L3MBTL4: variants seen among roughly 807,000 people sequenced by gnomAD.
L3MBTL4 encodes the protein L3MBTL histone methyl-lysine binding protein 4, also known as lethal(3)malignant brain tumor-like protein 4.
A neutral mutation model predicts 84.5 loss-of-function variants in L3MBTL4; 70 were observed. The ratio of observed to expected loss-of-function variants is 0.83; its 90% confidence interval spans 0.68 to 1.01. The LOEUF (loss-of-function observed/expected upper bound fraction) is 1.01, where lower values mean the gene tolerates loss of function less well. Ranked by LOEUF, L3MBTL4 falls within the 50% of genes least tolerant of loss-of-function variation. L3MBTL4 has a pLI of 0.00. For missense variants in L3MBTL4, 715 were observed against 754.8 expected (o/e 0.95, Z 0.62); for synonymous variants, 274 against 259.8 (o/e 1.05, Z -0.52).
intron 16 of L3MBTL4, chr18:6,032,096 G>T: frequency 4.8e-6 from 1 of 208,338 alleles, no homozygotes. Context: ...TCCTGCCTCA[G>T]CTTCCCCAGT....
chr18:6,104,152 C>G (rs985706271), intron 14 of L3MBTL4, among the ~76,000 whole-genome samples: 1 of 151,666 alleles, frequency 6.6e-6, no homozygotes, highest in African/African-American at 2.4e-5. Flanking sequence ...ATAATTCAGC[C>G]TCTTTAGAAA....
rs1467765900 is a variant in L3MBTL4, at chr18:6,239,796, C to T, written c.629G>A (p.Cys210Tyr). The T allele has an allele frequency of 6.2e-7, 1 of 1,614,212 alleles. No individual in the cohort carries two copies. The highest frequency in any genetic ancestry group is 1.7e-5 in the Admixed American group (1 of 60,026). The change falls in exon 9 of 19, where the codon TGT becomes TAT. Residue 210 changes from cysteine (C) to tyrosine (Y), a missense_variant. Physicochemically the swap from Cys to Tyr is radical, Grantham distance 194. Transcript: ENST00000317931. ...AVDRKNPSLV[C>Y]VATIADIVED... ...AACAATATCTGCTATGGTCGCCACA[C>T]ACACCAAGGAAGGGTTCTTCCTGTC... is the stretch of plus-strand genomic sequence containing the variant.
At chr18:6,029,465 T>A (rs1252153133) in intron 16 of L3MBTL4, 2 of 975,188 alleles carry the variant, frequency 2.1e-6, no homozygotes, top group African/African-American at 3.5e-5. Flanking sequence ...GAGATTACAG[T>A]GGCAGGATTA....
chr18:6,385,293 T>C (rs2054773730), intron 1 of L3MBTL4, among the ~76,000 whole-genome samples: 1 of 152,140 alleles, frequency 6.6e-6, no homozygotes, highest in African/African-American at 2.4e-5. Flanking sequence ...TCCCAGCTAC[T>C]CTAGAGGCTG....
At chr18:6,232,626 A>C (rs1465344814) in intron 10 of L3MBTL4, among the ~76,000 whole-genome samples, 1 of 152,122 alleles carries the variant, frequency 6.6e-6, no homozygotes, top group Non-Finnish European at 1.5e-5. Context: ...AGTCATGAAT[A>C]AAATGTGAGC....
intron 1 of L3MBTL4, among the ~76,000 whole-genome samples, chr18:6,368,185 C>T (rs920979764): frequency 2.6e-5 from 4 of 152,054 alleles, no homozygotes; most frequent in African/African-American, 4.8e-5. Flanking sequence ...CTCCAGTCAC[C>T]GGCATCCACC....
At chr18:6,402,893 CCT>C (rs1433643985) in intron 1 of L3MBTL4, among the ~76,000 whole-genome samples, 1 of 152,044 alleles carries the variant, frequency 6.6e-6, no homozygotes, top group Non-Finnish European at 1.5e-5. Flanking sequence ...TTCAGCAAAC[CCT>C]CTGTCTTTCA....
intron 16 of L3MBTL4, among the ~76,000 whole-genome samples, chr18:6,072,822 C>G (rs1481351857): frequency 1.5e-5 from 2 of 132,014 alleles, no homozygotes; most frequent in Non-Finnish European, 1.6e-5. Context: ...TGCCACTGCA[C>G]TCCAGCACTC....
intron 4 of L3MBTL4, among the ~76,000 whole-genome samples, chr18:6,300,176 GTAAGCAATTTGGAAAT>G (rs1475080225): frequency 6.6e-6 from 1 of 152,138 alleles, no homozygotes; most frequent in Non-Finnish European, 1.5e-5. Context: ...TGCTAGCACA[GTAAGCAATTTGGAAAT>G]TAGTTCCTTT....
intron 1 of L3MBTL4, among the ~76,000 whole-genome samples, chr18:6,351,404 C>A (rs953549029): frequency 1.3e-5 from 2 of 151,992 alleles, no homozygotes; most frequent in African/African-American, 2.4e-5. Context: ...TACAGAATTG[C>A]AGTTTGGGAT....
intron 16 of L3MBTL4, among the ~76,000 whole-genome samples, chr18:6,056,147 G>A (rs765935574): frequency 2.6e-5 from 4 of 152,022 alleles, no homozygotes; most frequent in South Asian, 2.1e-4. Flanking sequence ...GTGAGACAGC[G>A]ATTCTGTCAT....
chr18:6,126,918 C>T (rs979791753), intron 14 of L3MBTL4, among the ~76,000 whole-genome samples: 1 of 152,176 alleles, frequency 6.6e-6, no homozygotes, highest in Non-Finnish European at 1.5e-5. Context: ...TTCAATTTCA[C>T]TGTGTGGTAA....
chr18:6,012,577 C>T (rs976302722), intron 16 of L3MBTL4, among the ~76,000 whole-genome samples: 8 of 151,890 alleles, frequency 5.3e-5, no homozygotes, highest in Non-Finnish European at 1.2e-4. Flanking sequence ...ATAATCCCAG[C>T]ACTTTGGGAG....
chr18:6,008,016 A>AG (rs2054569631), intron 16 of L3MBTL4, among the ~76,000 whole-genome samples: 1 of 152,244 alleles, frequency 6.6e-6, no homozygotes, highest in Non-Finnish European at 1.5e-5. Flanking sequence ...CAAATTAAAA[A>AG]GGCAAAACAA....
At chr18:6,111,379 A>T (rs924617534) in intron 14 of L3MBTL4, among the ~76,000 whole-genome samples, 4 of 152,214 alleles carry the variant, frequency 2.6e-5, no homozygotes, top group Non-Finnish European at 5.9e-5. Context: ...ATTTTAATAA[A>T]AGTGACTTAG....
At chr18:6,393,086 A>AG (rs1453618204) in intron 1 of L3MBTL4, among the ~76,000 whole-genome samples, 3 of 152,122 alleles carry the variant, frequency 2.0e-5, no homozygotes, top group Admixed American at 1.3e-4. Flanking sequence ...ATAAAAAAAA[A>AG]AATTTTAACT....
At chr18:6,332,426 C>T (rs2052086982) in intron 1 of L3MBTL4, among the ~76,000 whole-genome samples, 1 of 152,192 alleles carries the variant, frequency 6.6e-6, no homozygotes, top group Non-Finnish European at 1.5e-5. Context: ...TGGGGAGTTT[C>T]ATGCTGAGTC....
At chr18:6,259,429 A>T (rs899122313) in intron 5 of L3MBTL4, 1 of 152,150 alleles carries the variant, frequency 6.6e-6, no homozygotes, top group Non-Finnish European at 1.5e-5. Flanking sequence ...GTGAGATGGT[A>T]TCTCGTTGTG....
intron 1 of L3MBTL4, among the ~76,000 whole-genome samples, chr18:6,386,607 A>G (rs1224354494): frequency 6.6e-6 from 1 of 152,178 alleles, no homozygotes; most frequent in Non-Finnish European, 1.5e-5. Flanking sequence ...CCTCTACCAC[A>G]GGCGGATCTG....
Sources: allele counts gnomAD v4.1 joint callset (sites outside exome capture counted in the v4.1 genomes callset), GRCh38; gene constraint gnomAD v4.1.1; transcripts MANE v1.5; gene names NCBI Gene and HGNC (gene_info 2026-07-23, HGNC 2026-07-21).